PTPRD: variants seen among roughly 807,000 people sequenced by gnomAD.
PTPRD encodes receptor-type tyrosine-protein phosphatase delta.
Under a neutral mutation model 214.5 loss-of-function variants are expected in PTPRD, and 34 were observed. That is an observed-to-expected ratio of 0.16 (90% CI 0.12 to 0.21). The LOEUF (loss-of-function observed/expected upper bound fraction) is 0.21, where lower values mean the gene tolerates loss of function less well. PTPRD is among the 10% of genes least tolerant of loss of function. The pLI, the probability that PTPRD is intolerant of heterozygous loss-of-function variation, is 1.00. For missense variants in PTPRD, 2,545 were observed against 2,398.7 expected, an observed-to-expected ratio of 1.06 and a Z score of -1.27; for synonymous variants, 1,128 against 845.7, an observed-to-expected ratio of 1.33 and a Z score of -5.79.
chr9:9,050,136 G>A (rs140156722), intron 10 of PTPRD, among the ~76,000 whole-genome samples: 921 of 152,296 alleles, frequency 6.0e-3, no homozygotes, highest in Admixed American at 7.9e-3. Flanking sequence ...TATCTCCAAA[G>A]GCTATAAAAA....
intron 8 of PTPRD, among the ~76,000 whole-genome samples, chr9:9,513,597 A>C (rs7048518): frequency 2.9e-5 from 2 of 68,186 alleles, no homozygotes; most frequent in East Asian, 8.6e-4. Flanking sequence ...CAAAAAAAAA[A>C]CAAATAAAAA....
chr9:8,427,099 A>C (rs1399591994), intron 35 of PTPRD, among the ~76,000 whole-genome samples: 1 of 152,144 alleles, frequency 6.6e-6, no homozygotes, highest in Non-Finnish European at 1.5e-5. Flanking sequence ...TTAACTGCAG[A>C]ACAAAGACAG....
intron 12 of PTPRD, among the ~76,000 whole-genome samples, chr9:8,711,422 G>A (rs1019903970): frequency 3.3e-5 from 5 of 152,010 alleles, no homozygotes; most frequent in Non-Finnish European, 7.4e-5. Context: ...GATTTAATTA[G>A]CATACAGTAA....
At chr9:10,039,453 G>A (rs1276011559) in intron 3 of PTPRD, among the ~76,000 whole-genome samples, 1 of 151,996 alleles carries the variant, frequency 6.6e-6, no homozygotes, top group Non-Finnish European at 1.5e-5. Context: ...ATCTGTGTAT[G>A]TTTACATATA....
chr9:8,861,071 C>A (rs1180454358), intron 11 of PTPRD: 1 of 152,214 alleles, frequency 6.6e-6, no homozygotes, highest in Non-Finnish European at 1.5e-5. Flanking sequence ...CACACAGGAG[C>A]TTTGCTATAG....
rs544612627 is a variant in PTPRD, at chr9:8,959,730, T to A, written c.-104+58967A>T. 1.4e-4 allele frequency among the ~76,000 whole-genome samples: 22 copies of A among 152,192 alleles called. No homozygotes were observed. The South Asian group carries it at 4.1e-3, about 29-fold the overall frequency. ...TCCTTTGGAAAGCAGCTATATTTCT[T>A]ATCAAATCCTCCACTAAGCCAGATG... On this transcript the variant is annotated intron_variant, in intron 11 of 45. Transcript: ENST00000381196.
intron 2 of PTPRD, among the ~76,000 whole-genome samples, chr9:10,546,172 G>C (rs935476748): frequency 6.6e-6 from 1 of 151,802 alleles, no homozygotes; most frequent in Non-Finnish European, 1.5e-5. Context: ...AACACAAACA[G>C]ACCCATAAAC....
chr9:10,055,343 T>C (rs895107856), intron 3 of PTPRD, among the ~76,000 whole-genome samples: 1 of 152,166 alleles, frequency 6.6e-6, no homozygotes, highest in African/African-American at 2.4e-5. Context: ...ATGATAAATA[T>C]AGTTACTATC....
intron 9 of PTPRD, among the ~76,000 whole-genome samples, chr9:9,263,208 G>T (rs768920520): frequency 5.9e-5 from 9 of 151,458 alleles, no homozygotes; most frequent in Admixed American, 1.3e-4. Context: ...TTATTATTAG[G>T]ATTTGACTCT....
intron 9 of PTPRD, among the ~76,000 whole-genome samples, chr9:9,192,680 C>A (rs948649342): frequency 2.0e-5 from 3 of 152,048 alleles, no homozygotes; most frequent in African/African-American, 7.2e-5. Context: ...ATATGAAAGA[C>A]TCTTCAGAAC....
At chr9:9,959,274 T>C (rs1203747944) in intron 4 of PTPRD, among the ~76,000 whole-genome samples, 1 of 152,184 alleles carries the variant, frequency 6.6e-6, no homozygotes, top group African/African-American at 2.4e-5. Flanking sequence ...CAATTATATA[T>C]TATTCTAGAA....
At chr9:9,840,237 A>C (rs899759763) in intron 5 of PTPRD, among the ~76,000 whole-genome samples, 17 of 151,078 alleles carry the variant, frequency 1.1e-4, no homozygotes, top group Non-Finnish European at 2.2e-4. Flanking sequence ...GGGGTTTTAA[A>C]CTCCTGGCCT....
chr9:10,452,212 T>G (rs939017663), intron 2 of PTPRD, among the ~76,000 whole-genome samples: 1 of 151,924 alleles, frequency 6.6e-6, no homozygotes, highest in African/African-American at 2.4e-5. Context: ...ATTTTCTTCC[T>G]TCATTAATCC....
intron 5 of PTPRD, among the ~76,000 whole-genome samples, chr9:9,841,520 A>G (rs566225344): frequency 2.6e-5 from 4 of 152,286 alleles, no homozygotes; most frequent in East Asian, 1.9e-4. Context: ...TTTAGTTAGT[A>G]TTATTTTTAC....
At chr9:8,331,347 A>AATAGG (rs1840706392) in intron 44 of PTPRD, among the ~76,000 whole-genome samples, 2 of 152,268 alleles carry the variant, frequency 1.3e-5, no homozygotes, top group South Asian at 4.1e-4. Context: ...TGGTTTGTCT[A>AATAGG]ATAGGAAGCA....
chr9:9,202,127 G>A (rs867180747), intron 9 of PTPRD, among the ~76,000 whole-genome samples: 13 of 152,166 alleles, frequency 8.5e-5, no homozygotes, highest in Non-Finnish European at 1.5e-5. Flanking sequence ...ACACAGAGGT[G>A]GAGAACATGA....
intron 8 of PTPRD, among the ~76,000 whole-genome samples, chr9:9,464,074 G>C (rs1379010388): frequency 6.6e-6 from 1 of 152,012 alleles, no homozygotes; most frequent in East Asian, 1.9e-4. Context: ...CTTAATTTTA[G>C]TTCGTTGAAG....
chr9:10,080,883 C>T (rs940100216), intron 3 of PTPRD, among the ~76,000 whole-genome samples: 5 of 151,922 alleles, frequency 3.3e-5, no homozygotes, highest in African/African-American at 9.7e-5. Flanking sequence ...AAAAACATTA[C>T]GTAAATATTG....
chr9:10,520,625 G>C (rs1589974605), intron 2 of PTPRD, among the ~76,000 whole-genome samples: 1 of 152,166 alleles, frequency 6.6e-6, no homozygotes, highest in African/African-American at 2.4e-5. Flanking sequence ...CATAGCTAGA[G>C]AAGGGAAGTC....
Sources: allele counts gnomAD v4.1 joint callset (sites outside exome capture counted in the v4.1 genomes callset), GRCh38; gene constraint gnomAD v4.1.1; transcripts MANE v1.5; gene names NCBI Gene and HGNC (gene_info 2026-07-23, HGNC 2026-07-21).